NEK4: variants seen among roughly 807,000 people sequenced by gnomAD.
NEK4 encodes the protein serine/threonine-protein kinase Nek4.
NEK4 carries 86 observed loss-of-function variants against 98.4 expected under a neutral mutation model. The observed-to-expected ratio is 0.87, with a 90% CI of 0.73 to 1.05. The LOEUF (loss-of-function observed/expected upper bound fraction) is 1.05. NEK4 is among the 50% of genes least tolerant of loss of function. The pLI is 0.00. For synonymous variants in NEK4, 328 were observed against 342.2 expected, an observed-to-expected ratio of 0.96 and a Z score of 0.46; for missense variants, 898 against 950.3, an observed-to-expected ratio of 0.94 and a Z score of 0.72.
chr3:52,763,493 G>A lies in NEK4; in HGVS notation c.798C>T (p.Ser266=). Residue 266 remains serine, a synonymous_variant, in exon 5 of 16, where the codon TCC becomes TCT. Coordinates refer to ENST00000233027, the MANE Select transcript of NEK4 (RefSeq NM_003157.6). ...LRQPYIKRQI[S]FFLEATKIKT... Reference sequence around the variant, plus strand: ...ACATCTTTGTGGCCTCCAAAAAGAAGGAGATTTGCCGCTTTATATAAGGCT... The same window carrying A: ...ACATCTTTGTGGCCTCCAAAAAGAAAGAGATTTGCCGCTTTATATAAGGCT... 6.2e-7 allele frequency: 1 copy of A among 1,613,080 alleles called. No homozygotes were observed. The highest frequency in any genetic ancestry group is 1.3e-5 in the African/African-American group (1 of 74,930).
At chr3:52,737,472 C>T (rs1199326837) in intron 15 of NEK4, 114 bp downstream of exon 15, 16 of 1,116,544 alleles carry the variant, frequency 1.4e-5, no homozygotes, top group Non-Finnish European at 2.1e-5. Context: ...ACATTAAAAA[C>T]CACTGAATTA....
intron 15 of NEK4, among the ~76,000 whole-genome samples, chr3:52,723,351 G>A (rs1300819913): frequency 1.3e-5 from 2 of 152,090 alleles, no homozygotes; most frequent in Admixed American, 6.6e-5. Context: ...GGGTTCAAGC[G>A]ATTCTCGTGT....
chr3:52,730,333 T>C (rs949533439), intron 15 of NEK4, among the ~76,000 whole-genome samples: 1 of 152,126 alleles, frequency 6.6e-6, no homozygotes, highest in Admixed American at 6.5e-5. Flanking sequence ...ACCTGATGGC[T>C]TTGCTGGTGA....
Position 52,746,767 on chromosome 3 carries a change from C to T in NEK4, c.1644G>A (p.Gly548=). The T allele has an allele frequency of 6.2e-7, 1 of 1,613,916 alleles. No homozygotes were observed. The highest frequency in any genetic ancestry group is 8.5e-7 in the Non-Finnish European group (1 of 1,179,910). ...GATCTCTGCGGACCTGTCTCTTTTC[C>T]CCTCTGTGCTCAGTCTGTTCTCTCC... The part of the protein sequence containing the change: ...QKRREQTEHR[G]EKRQVRRDLF... The change falls in exon 9 of 16, where the codon GGG becomes GGA. Residue 548 remains glycine, a synonymous_variant. Coordinates refer to ENST00000233027, the MANE Select transcript of NEK4 (RefSeq NM_003157.6).
intron 15 of NEK4, among the ~76,000 whole-genome samples, chr3:52,720,029 T>A (rs971640451): frequency 6.6e-6 from 1 of 152,164 alleles, no homozygotes; most frequent in Admixed American, 6.6e-5. Flanking sequence ...ACACCTGTAA[T>A]CCCAGCACTT....
At chr3:52,730,612 G>A (rs2097368697) in intron 15 of NEK4, among the ~76,000 whole-genome samples, 2 of 152,154 alleles carry the variant, frequency 1.3e-5, no homozygotes, top group Non-Finnish European at 2.9e-5. Flanking sequence ...TTTTCACGTA[G>A]TGTCCTTGTT....
At chr3:52,769,709 T>A (rs540315619) in intron 1 of NEK4, among the ~76,000 whole-genome samples, 1 of 152,246 alleles carries the variant, frequency 6.6e-6, no homozygotes, top group African/African-American at 2.4e-5. Context: ...TCAGCTTGCC[T>A]GGAGCAGTCC....
At chr3:52,743,268 T>C (rs1234121737) in intron 12 of NEK4, 84 bp downstream of exon 12, 2 of 1,019,836 alleles carry the variant, frequency 2.0e-6, no homozygotes, top group East Asian at 2.4e-5. Context: ...CAAAAATAAA[T>C]GGAGCTGACA....
chr3:52,739,703 G>C (rs1305100693), intron 13 of NEK4, 69 bp from the exon 14 acceptor site: 5 of 1,346,272 alleles, frequency 3.7e-6, no homozygotes, highest in Non-Finnish European at 4.2e-6. Flanking sequence ...AAAATTACGT[G>C]CAAAACGACC....
intron 5 of NEK4, among the ~76,000 whole-genome samples, chr3:52,761,204 G>C (rs115739856): frequency 5.7e-4 from 87 of 152,308 alleles, no homozygotes; most frequent in Non-Finnish European, 1.1e-3. Flanking sequence ...TCCTGGAACA[G>C]AAAAGAGACA....
At chr3:52,765,020 T>C (rs1698501883) in intron 4 of NEK4, among the ~76,000 whole-genome samples, 1 of 152,158 alleles carries the variant, frequency 6.6e-6, no homozygotes, top group South Asian at 2.1e-4. Flanking sequence ...TGTGGGATAG[T>C]ATTAAAATCA....
chr3:52,762,628 A>C (rs1047245635), intron 5 of NEK4, among the ~76,000 whole-genome samples: 1 of 152,240 alleles, frequency 6.6e-6, no homozygotes. Flanking sequence ...TTTAAAAAGT[A>C]AGTGCAAGCT....
chr3:52,730,934 C>T (rs1201394370), intron 15 of NEK4, among the ~76,000 whole-genome samples: 1 of 152,016 alleles, frequency 6.6e-6, no homozygotes, highest in African/African-American at 2.4e-5. Context: ...AGTTTTGCAA[C>T]ATGAAAAAAG....
chr3:52,738,123 T>C (rs1369688509), intron 14 of NEK4, among the ~76,000 whole-genome samples: 1 of 152,046 alleles, frequency 6.6e-6, no homozygotes, highest in Non-Finnish European at 1.5e-5. Flanking sequence ...TATTTTTTTT[T>C]TTTAAGTGAC....
intron 15 of NEK4, among the ~76,000 whole-genome samples, chr3:52,725,003 G>T (rs2097363216): frequency 6.6e-6 from 1 of 152,112 alleles, no homozygotes; most frequent in Admixed American, 6.5e-5. Context: ...AAGATAAACA[G>T]ATGGGCAACT....
chr3:52,751,531 GA>G (rs1265930591), intron 7 of NEK4, among the ~76,000 whole-genome samples: 1 of 146,776 alleles, frequency 6.8e-6, no homozygotes, highest in Non-Finnish European at 1.5e-5. Flanking sequence ...TGAGGCATAA[GA>G]ACTGCTTGAA....
At chr3:52,743,112 A>C in intron 12 of NEK4, 2 of 409,284 alleles carry the variant, frequency 4.9e-6, no homozygotes, top group South Asian at 6.7e-5. Context: ...CCAACCTATG[A>C]AATATTTTTA....
rs71087016 is a variant in NEK4 at position 52,752,900 on chromosome 3, C to CAAAAAAAAAAAAAAAA, written c.964-580_964-565dup. 1.5e-3 allele frequency among the ~76,000 whole-genome samples: 73 copies of CAAAAAAAAAAAAAAAA among 49,778 alleles called. 7 individuals carry two copies. Among genetic ancestry groups the CAAAAAAAAAAAAAAAA allele is most frequent in the Admixed American group, 3.3e-3 (11 of 3,300 alleles). 32.7% of individuals were successfully genotyped at this position (49,778 alleles called of 152,430 possible). On this transcript the variant is annotated intron_variant, in intron 6 of 15. Coordinates refer to ENST00000233027, the MANE Select transcript of NEK4 (RefSeq NM_003157.6). ...GGGCAACAGGAGTGAAACCCTGCCT[C>CAAAAAAAAAAAAAAAA]AAAAAAAAAAAAAAAAAATATATAT...
At chr3:52,734,899 G>C (rs184261596) in intron 15 of NEK4, 1 of 232,464 alleles carries the variant, frequency 4.3e-6, no homozygotes, top group Admixed American at 5.4e-5. Flanking sequence ...GCCAGTCTTA[G>C]AATATTACCA....
Sources: gnomAD v4.1 joint callset for allele counts (sites outside exome capture counted in the v4.1 genomes callset) on GRCh38, gnomAD v4.1.1 for gene constraint, MANE v1.5 for transcripts, NCBI Gene and HGNC (gene_info 2026-07-23, HGNC 2026-07-21) for gene names.